Variants in VRK2 observed in about 807,000 individuals in gnomAD.
VRK2 encodes serine/threonine-protein kinase VRK2.
VRK2 carries 60 observed loss-of-function variants against 57.6 expected under a neutral mutation model. The ratio of observed to expected loss-of-function variants is 1.04; its 90% confidence interval spans 0.85 to 1.29. VRK2 has a LOEUF of 1.29. Among genes scored for constraint, VRK2 ranks in the 50% most tolerant of loss-of-function variants. The pLI is 0.00. For missense variants in VRK2, 705 were observed against 588.1 expected (o/e 1.20, Z -2.06); for synonymous variants, 231 against 199.2 (o/e 1.16, Z -1.35).
At chr2:58,057,746 A>G (rs535686979) in intron 2 of VRK2, among the ~76,000 whole-genome samples, 2 of 152,288 alleles carry the variant, frequency 1.3e-5, no homozygotes, top group East Asian at 3.9e-4. Context: ...GGTTTTGTAC[A>G]TAGTCAGAAG....
chr2:58,049,690 C>A (rs1336178994), intron 2 of VRK2, among the ~76,000 whole-genome samples: 1 of 152,014 alleles, frequency 6.6e-6, no homozygotes, highest in Non-Finnish European at 1.5e-5. Flanking sequence ...TAAAAATATA[C>A]CCTCAAGGAT....
rs376471689 is a variant in VRK2 at position 57,931,236 on chromosome 2, C to G, written c.-439+23397C>G. Among the ~76,000 whole-genome samples the G allele has an allele frequency of 3.5e-4, 53 of 152,086 alleles. 1 individual carries two copies. In the South Asian group the frequency reaches 0.01, roughly 30 times the overall value. On this transcript the variant is annotated intron_variant, in intron 1 of 15. Coordinates refer to the VRK2 transcript ENST00000417641. ...TTTATTGTTTTTCATAATGGCTGTA[C>G]CAATTTACATTCCCACCAAAAGTGT...
At chr2:57,999,161 T>C (rs1673012686) in intron 1 of VRK2, among the ~76,000 whole-genome samples, 1 of 152,188 alleles carries the variant, frequency 6.6e-6, no homozygotes, top group African/African-American at 2.4e-5. Context: ...AACACCTCCA[T>C]CTTAAATCAA....
Position 58,146,405 on chromosome 2 carries a change from G to A in VRK2, c.1113G>A (p.Glu371=). The A allele has an allele frequency of 6.2e-7, 1 of 1,611,904 alleles. No individual in the cohort carries two copies. The change falls in exon 12 of 13, where the codon GAG becomes GAA. Residue 371 remains glutamate (E), a synonymous_variant. Coordinates refer to ENST00000340157, the MANE Select transcript of VRK2 (RefSeq NM_006296.7). ...AAGTCCACAGTGAGAGAAGCGCTGAGTCCTGTGCAACATGGAAAGTGCAGA... is the reference window on the plus strand; with the variant it reads ...AAGTCCACAGTGAGAGAAGCGCTGAATCCTGTGCAACATGGAAAGTGCAGA... ...EKKVHSERSA[E]SCATWKVQKE... is the part of the protein sequence containing the mutation.
chr2:58,037,628 G>A (rs1358003096), intron 3 of VRK2, among the ~76,000 whole-genome samples: 1 of 152,096 alleles, frequency 6.6e-6, no homozygotes, highest in African/African-American at 2.4e-5. Flanking sequence ...GTATTCTCAG[G>A]ATTGAGAAAA....
At chr2:58,021,590 G>A (rs1673757809) in intron 1 of VRK2, among the ~76,000 whole-genome samples, 1 of 152,102 alleles carries the variant, frequency 6.6e-6, no homozygotes, top group Non-Finnish European at 1.5e-5. Context: ...TAATCACTCA[G>A]TGAATCCCTT....
intron 2 of VRK2, among the ~76,000 whole-genome samples, chr2:58,032,853 A>G (rs1392727363): frequency 6.6e-6 from 1 of 152,044 alleles, no homozygotes; most frequent in Non-Finnish European, 1.5e-5. Flanking sequence ...GCCTTGGGAA[A>G]CTGGCTCACC....
rs756116857 is a variant in VRK2 at position 58,084,865 on chromosome 2, A to G, written c.187-16A>G. On this transcript the variant is annotated splice_polypyrimidine_tract_variant and intron_variant, in intron 3 of 12. Coordinates refer to ENST00000340157, the MANE Select transcript of VRK2 (RefSeq NM_006296.7). ...TTATTTTTTTCTAGTAAAATTAATT[A>G]TTCTTTTTTTTATAGGAATATCAAG... The G allele has an allele frequency of 6.8e-7, 1 of 1,462,386 alleles. No individual in the cohort carries two copies. Among genetic ancestry groups the G allele is most frequent in the Non-Finnish European group, 9.3e-7 (1 of 1,075,096 alleles). The allele number at this position is 1,462,386 out of a possible 1,614,324, so 90.6% of individuals were successfully genotyped here.
chr2:58,088,363 AG>A lies in VRK2; in HGVS notation c.368del (p.Arg123AsnfsTer2). On this transcript the variant is annotated frameshift_variant, in exon 6 of 13. Transcript: ENST00000340157. LOFTEE classifies it high-confidence loss of function. ...GRSYRFMVME[R>X]LGIDLQKISG... ...CAGTTACAGATTTATGGTAATGGAA[AG>A]ACTAGGAATAGATTTACAGAAGATC... The A allele has an allele frequency of 6.2e-7, 1 of 1,611,908 alleles. No homozygotes were observed. The highest frequency in any genetic ancestry group is 1.1e-5 in the South Asian group (1 of 90,522).
At chr2:58,031,357 C>G (rs1052820005) in intron 2 of VRK2, among the ~76,000 whole-genome samples, 3 of 151,980 alleles carry the variant, frequency 2.0e-5, no homozygotes, top group African/African-American at 7.2e-5. Context: ...CCCGTGTCCC[C>G]TATCCCCTCA....
intron 12 of VRK2, among the ~76,000 whole-genome samples, chr2:58,155,372 T>C (rs1683649081): frequency 6.6e-6 from 1 of 152,128 alleles, no homozygotes; most frequent in African/African-American, 2.4e-5. Context: ...GTGGAGAAGG[T>C]TGGTAGCTCT....
intron 1 of VRK2, 190 bp downstream of exon 1, chr2:58,047,058 C>G (rs543176106): frequency 5.7e-6 from 5 of 869,880 alleles, no homozygotes; most frequent in East Asian, 1.2e-4. Flanking sequence ...TTTTTCCCCG[C>G]TGGGAGTGAG....
chr2:57,981,970 G>C (rs1346319410), intron 1 of VRK2, among the ~76,000 whole-genome samples: 3 of 152,344 alleles, frequency 2.0e-5, no homozygotes, highest in African/African-American at 7.2e-5. Context: ...GCTTTTTAGA[G>C]TTATCAGAGT....
intron 1 of VRK2, among the ~76,000 whole-genome samples, chr2:57,970,910 T>C (rs922093074): frequency 1.2e-4 from 19 of 152,152 alleles, no homozygotes; most frequent in Admixed American, 4.6e-4. Context: ...TGATAGGATT[T>C]TTTTTCCTTT....
At chr2:58,067,916 C>G (rs1333895969) in intron 2 of VRK2, among the ~76,000 whole-genome samples, 1 of 148,966 alleles carries the variant, frequency 6.7e-6, no homozygotes, top group Non-Finnish European at 1.5e-5. Flanking sequence ...CTTTTCTTTT[C>G]TTTCTTTTTT....
chr2:57,956,396 A>C (rs1671588100), intron 1 of VRK2, among the ~76,000 whole-genome samples: 3 of 152,158 alleles, frequency 2.0e-5, no homozygotes, highest in African/African-American at 4.8e-5. Context: ...AAAATACTAT[A>C]AAATATAAAG....
chr2:58,079,225 A>G (rs949534204), intron 2 of VRK2, among the ~76,000 whole-genome samples: 3 of 152,094 alleles, frequency 2.0e-5, no homozygotes, highest in African/African-American at 4.8e-5. Flanking sequence ...TTTATTGTAT[A>G]TCATTATTAG....
At chr2:58,155,355 G>A (rs848293) in intron 12 of VRK2, among the ~76,000 whole-genome samples, 80,454 of 151,986 alleles carry the variant, frequency 0.53, 22,910 homozygotes, top group African/African-American at 0.75. Context: ...TGTTTGCTCA[G>A]TGCAAGGTGG....
intron 7 of VRK2, among the ~76,000 whole-genome samples, chr2:58,119,972 A>G (rs1003797232): frequency 6.6e-6 from 1 of 151,686 alleles, no homozygotes; most frequent in African/African-American, 2.4e-5. Context: ...GTAACTTCCT[A>G]TGAAGACCTC....
Sources: gnomAD v4.1 joint callset for allele counts (sites outside exome capture counted in the v4.1 genomes callset) on GRCh38, gnomAD v4.1.1 for gene constraint, MANE v1.5 for transcripts, NCBI Gene and HGNC (gene_info 2026-07-23, HGNC 2026-07-21) for gene names.